Variants in ORC3 observed in about 807,000 individuals in gnomAD.
ORC3 encodes the protein homolog of latheo, Drosophila.
ORC3 carries 78 observed loss-of-function variants against 100.7 expected under a neutral mutation model. The observed-to-expected ratio is 0.77, with a 90% CI of 0.65 to 0.94. ORC3 has a LOEUF of 0.94. Ranked by LOEUF, ORC3 falls within the 40% of genes least tolerant of loss-of-function variation. The pLI, the probability that ORC3 is intolerant of heterozygous loss-of-function variation, is 0.00. For synonymous variants in ORC3, 295 were observed against 289.3 expected (o/e 1.02, Z -0.20); for missense variants, 789 against 823.9 (o/e 0.96, Z 0.52).
intron 1 of ORC3, among the ~76,000 whole-genome samples, chr6:87,592,186 C>G (rs950331154): frequency 5.3e-5 from 8 of 152,220 alleles, no homozygotes; most frequent in African/African-American, 1.9e-4. Flanking sequence ...CTGATCACTC[C>G]TCATGTCTTG....
At chr6:87,657,669 G>A (rs1769824248) in intron 15 of ORC3, among the ~76,000 whole-genome samples, 1 of 152,162 alleles carries the variant, frequency 6.6e-6, no homozygotes, top group Non-Finnish European at 1.5e-5. Flanking sequence ...TAATTTAGTA[G>A]TAAAGTGAAC....
intron 4 of ORC3, among the ~76,000 whole-genome samples, chr6:87,605,283 G>A (rs1778246259): frequency 6.6e-6 from 1 of 152,196 alleles, no homozygotes; most frequent in Non-Finnish European, 1.5e-5. Flanking sequence ...GAGCTATACT[G>A]CACCTGGCCA....
At chr6:87,637,898 A>G (rs957932677) in intron 13 of ORC3, among the ~76,000 whole-genome samples, 7 of 152,190 alleles carry the variant, frequency 4.6e-5, no homozygotes, top group Non-Finnish European at 1.0e-4. Flanking sequence ...TTCCAATCTA[A>G]AACTCTTAAT....
chr6:87,675,754 A>G, the ORC3 span: 32 of 1,455,418 alleles, frequency 2.2e-5, 1 homozygote, highest in East Asian at 7.4e-4. Context: ...ATACATTCTC[A>G]GTAATTTTGT....
chr6:87,620,008 A>G (rs915731088), intron 9 of ORC3, among the ~76,000 whole-genome samples: 2 of 152,190 alleles, frequency 1.3e-5, no homozygotes, highest in Non-Finnish European at 2.9e-5. Flanking sequence ...AGCAGGACAT[A>G]TTATCATTCT....
In ORC3 at chr6:87,594,651, C is replaced by G. The variant is rs567587757; in HGVS notation, c.79+244C>G. 5 of 835,832 alleles carry G rather than the reference C, an allele frequency of 6.0e-6. No homozygotes were observed. The African/African-American group carries it at 8.8e-5, about 15-fold the overall frequency. The allele number at this position is 835,832 out of a possible 1,614,324, so 51.8% of individuals were successfully genotyped here. On this transcript the variant is annotated intron_variant, in intron 2 of 19. Coordinates refer to ENST00000392844, the MANE Select transcript of ORC3 (RefSeq NM_012381.4). Reference sequence around the variant, plus strand: ...CAAATTTCCTTCAAAGGATATGCTGCTATTCTTTAAAAGAGATTGTCTTTT... The same window carrying G: ...CAAATTTCCTTCAAAGGATATGCTGGTATTCTTTAAAAGAGATTGTCTTTT...
In ORC3 at chr6:87,594,405, T is replaced by G. The variant is rs1334936472; in HGVS notation, c.77T>G (p.Ile26Arg). The change falls in exon 2 of 20, where the codon ATA becomes AGA. Residue 26 changes from isoleucine (I) to arginine (R), a missense_variant and splice_region_variant. Ile to Arg is a moderately conservative substitution (Grantham distance 97, BLOSUM62 -3). Coordinates refer to ENST00000392844, the MANE Select transcript of ORC3 (RefSeq NM_012381.4). ...AAAAAGAGAAAGATCTCTCTGCCAA[T>G]AGGTAAGGTGTCTGAATATTAAATT... ...NSKKRKISLPIEDYFNKGKNE... is the reference protein window; with the variant it reads ...NSKKRKISLPREDYFNKGKNE... 1.3e-6 allele frequency: 2 copies of G among 1,581,482 alleles called. No homozygotes were observed. Among genetic ancestry groups the G allele is most frequent in the South Asian group, 2.3e-5 (2 of 86,952 alleles).
At chr6:87,632,480 T>C (rs1767502474) in intron 11 of ORC3, among the ~76,000 whole-genome samples, 1 of 152,336 alleles carries the variant, frequency 6.6e-6, no homozygotes, top group Admixed American at 6.5e-5. Flanking sequence ...TTTTTCCCCA[T>C]TGTTGGAACC....
rs1422938557 is a variant in ORC3, at chr6:87,607,815, T to G, written c.570T>G (p.Thr190=). The change falls in exon 6 of 20, where the codon ACT becomes ACG. Residue 190 remains threonine, a synonymous_variant. Coordinates refer to ENST00000392844, the MANE Select transcript of ORC3 (RefSeq NM_012381.4). ...SMDSLSSWYM[T]VTQKTDPKML... is the part of the protein sequence containing the mutation. Reference sequence around the variant, plus strand: ...ATTCACTTTCCAGTTGGTATATGACTGTCACACAGGTAGATATAAACTGAT... The same window carrying G: ...ATTCACTTTCCAGTTGGTATATGACGGTCACACAGGTAGATATAAACTGAT... The G allele has an allele frequency of 6.2e-7, 1 of 1,607,626 alleles. No individual in the cohort carries two copies. Among genetic ancestry groups the G allele is most frequent in the Non-Finnish European group, 8.5e-7 (1 of 1,176,742 alleles).
At chr6:87,649,562 G>C (rs1375054629) in intron 13 of ORC3, among the ~76,000 whole-genome samples, 1 of 152,078 alleles carries the variant, frequency 6.6e-6, no homozygotes, top group Non-Finnish European at 1.5e-5. Flanking sequence ...AGCCTGACCA[G>C]CATGGAGAAA....
chr6:87,644,064 A>G (rs1768508805), intron 13 of ORC3, among the ~76,000 whole-genome samples: 2 of 143,054 alleles, frequency 1.4e-5, no homozygotes, highest in African/African-American at 2.6e-5. Context: ...CCACAGATAC[A>G]GATGGCTGAC....
At position 87,622,459 on chromosome 6, in the gene ORC3, A is replaced by G. The variant is rs552606460; in HGVS notation, c.1185+446A>G. ...TGAAGAAATATCATTATATATTGATAATATAAAGCTAGGAAAGAAGTAATG... is the reference window on the plus strand; with the variant it reads ...TGAAGAAATATCATTATATATTGATGATATAAAGCTAGGAAAGAAGTAATG... On this transcript the variant is annotated intron_variant, in intron 11 of 19. Transcript: ENST00000392844. 2.0e-5 allele frequency among the ~76,000 whole-genome samples: 3 copies of G among 152,278 alleles called. No individual in the cohort carries two copies. In the South Asian group the frequency reaches 6.2e-4, roughly 32 times the overall value.
At chr6:87,653,818 G>A (rs1769460965) in intron 14 of ORC3, among the ~76,000 whole-genome samples, 1 of 152,154 alleles carries the variant, frequency 6.6e-6, no homozygotes, top group African/African-American at 2.4e-5. Flanking sequence ...TTCACTGTTG[G>A]AGGGTTACAG....
downstream of ORC3, among the ~76,000 whole-genome samples, chr6:87,668,299 G>T (rs377674072): frequency 6.6e-6 from 1 of 152,270 alleles, no homozygotes; most frequent in East Asian, 1.9e-4. Context: ...GTGTGTGCCC[G>T]TGTGTGTGCT....
chr6:87,644,116 G>A (rs1295222655), intron 13 of ORC3, among the ~76,000 whole-genome samples: 2 of 74,656 alleles, frequency 2.7e-5, no homozygotes, highest in Non-Finnish European at 4.8e-5. Flanking sequence ...TTTTTGAGAC[G>A]GAGTCTCGCT....
intron 4 of ORC3, 43 bp downstream of exon 4, chr6:87,603,571 T>C: frequency 7.4e-7 from 1 of 1,345,162 alleles, no homozygotes; most frequent in Non-Finnish European, 9.9e-7. Flanking sequence ...CTCTGTGTAT[T>C]TCGTTTTTAA....
At chr6:87,620,985 G>T (rs1779493730) in intron 9 of ORC3, among the ~76,000 whole-genome samples, 1 of 152,034 alleles carries the variant, frequency 6.6e-6, no homozygotes, top group African/African-American at 2.4e-5. Context: ...ATTTTAGATT[G>T]GCATTTTCTT....
At chr6:87,664,374 T>C (rs561444953) in intron 17 of ORC3, among the ~76,000 whole-genome samples, 58 of 152,330 alleles carry the variant, frequency 3.8e-4, no homozygotes, top group Non-Finnish European at 6.6e-4. Flanking sequence ...ATAGTAATTG[T>C]TAGAATTCAG....
chr6:87,618,879 A>G (rs957275167), intron 9 of ORC3, among the ~76,000 whole-genome samples: 1 of 152,166 alleles, frequency 6.6e-6, no homozygotes, highest in Non-Finnish European at 1.5e-5. Flanking sequence ...TATTAACTGT[A>G]CATGTTAATA....
Sources: gnomAD v4.1 joint callset for allele counts (sites outside exome capture counted in the v4.1 genomes callset) on GRCh38, gnomAD v4.1.1 for gene constraint, MANE v1.5 for transcripts, NCBI Gene and HGNC (gene_info 2026-07-23, HGNC 2026-07-21) for gene names.